The following SYNE1 variants were observed in gnomAD, a reference collection of about 807,000 sequenced individuals.
SYNE1 encodes the protein spectrin repeat containing nuclear envelope protein 1.
SYNE1 carries 616 observed loss-of-function variants against 1,111.0 expected under a neutral mutation model. That is an observed-to-expected ratio of 0.55 (90% CI 0.52 to 0.59). SYNE1 has a LOEUF of 0.59. Among genes scored for constraint, SYNE1 ranks in the 20% least tolerant of loss-of-function variants. SYNE1 has a pLI of 0.00. For synonymous variants in SYNE1, 3,855 were observed against 3,825.8 expected (o/e 1.01, Z -0.28); for missense variants, 10,006 against 10,417.0 (o/e 0.96, Z 1.72).
Position 152,404,201 on chromosome 6 carries a change from CA to C in SYNE1, c.6825+11del. The C allele has an allele frequency of 1.2e-6, 2 of 1,605,090 alleles. No individual in the cohort carries two copies. The highest frequency in any genetic ancestry group is 1.7e-6 in the Non-Finnish European group (2 of 1,173,086). On this transcript the variant is annotated intron_variant, in intron 46 of 145. Transcript: ENST00000367255. ...ATGGATGGAAGTCTAGTAGTTATTACAAAATGCTTACCTGAAGGTCTGGCGG... is the reference window on the plus strand; with the variant it reads ...ATGGATGGAAGTCTAGTAGTTATTACAAATGCTTACCTGAAGGTCTGGCGG...
intron 6 of SYNE1, among the ~76,000 whole-genome samples, chr6:152,514,852 T>C (rs565106013): frequency 1.3e-5 from 2 of 152,230 alleles, no homozygotes; most frequent in East Asian, 1.9e-4. Flanking sequence ...TAAATTTCTG[T>C]AGTTTAAGCC....
At chr6:152,179,834 A>C (rs2067486221) in intron 129 of SYNE1, among the ~76,000 whole-genome samples, 2 of 151,272 alleles carry the variant, frequency 1.3e-5, no homozygotes, top group Non-Finnish European at 2.9e-5. Context: ...ACAGGCGCGC[A>C]CCACCACGCC....
chr6:152,201,749 G>T, intron 127 of SYNE1, 75 bp downstream of exon 127: 1 of 1,607,458 alleles, frequency 6.2e-7, no homozygotes, highest in South Asian at 1.1e-5. Context: ...CTAAGAGTTT[G>T]ACTGGATTAT....
At chr6:152,358,224 A>G in intron 66 of SYNE1, 149 bp downstream of exon 66, 1 of 1,091,154 alleles carries the variant, frequency 9.2e-7, no homozygotes, top group South Asian at 1.3e-5. Context: ...AGGTCTCAGA[A>G]TGTTCTTGAT....
At chr6:152,222,314 G>A (rs897444173) in intron 117 of SYNE1, among the ~76,000 whole-genome samples, 1 of 152,148 alleles carries the variant, frequency 6.6e-6, no homozygotes, top group South Asian at 2.1e-4. Flanking sequence ...CCAAGCTCTT[G>A]TTTCTAACAA....
At chr6:152,354,514 T>C in intron 67 of SYNE1, 145 bp downstream of exon 67, 2 of 860,386 alleles carry the variant, frequency 2.3e-6, no homozygotes, top group Admixed American at 2.1e-5. Context: ...GAATGCTCCA[T>C]TGTGATTTAT....
At position 152,362,191 on chromosome 6, in the gene SYNE1, T is replaced by C; in HGVS notation, c.10278A>G (p.Thr3426=). The C allele has an allele frequency of 6.2e-7, 1 of 1,614,244 alleles. No homozygotes were observed. Residue 3426 remains threonine (T), a synonymous_variant, in exon 64 of 146, where the codon ACA becomes ACG. Coordinates refer to ENST00000367255, the MANE Select transcript of SYNE1 (RefSeq NM_182961.4). Reference sequence around the variant, plus strand: ...TCACCTTGGCTTTTCCGAGCATCGTTGTTTTATCCCGCAGCTCCGCATGCT... The same window carrying C: ...TCACCTTGGCTTTTCCGAGCATCGTCGTTTTATCCCGCAGCTCCGCATGCT... ...ERQHAELRDK[T]TMLGKAKLLN... is the part of the protein sequence containing the mutation.
At chr6:152,242,156 T>C in intron 107 of SYNE1, 84 bp downstream of exon 107, 1 of 1,308,710 alleles carries the variant, frequency 7.6e-7, no homozygotes, top group Non-Finnish European at 1.1e-6. Flanking sequence ...ACTGAGAATA[T>C]TAGGTTTTAC....
At chr6:152,142,567 CCTG>C (rs1168977297) in intron 138 of SYNE1, among the ~76,000 whole-genome samples, 1 of 152,168 alleles carries the variant, frequency 6.6e-6, no homozygotes, top group African/African-American at 2.4e-5. Context: ...TCAAGATACT[CCTG>C]CTGTGCTTAC....
chr6:152,304,936 C>T (rs945124985), intron 91 of SYNE1, among the ~76,000 whole-genome samples: 6 of 152,214 alleles, frequency 3.9e-5, no homozygotes, highest in Admixed American at 6.5e-5. Flanking sequence ...TAGTACTCTA[C>T]GACTTGCTTC....
chr6:152,363,497 CTAAATAAATAAATAAA>C (rs72461138), intron 63 of SYNE1, among the ~76,000 whole-genome samples: 74,242 of 144,030 alleles, frequency 0.52, 19,128 homozygotes, highest in East Asian at 0.59. Flanking sequence ...CCGTCTCAAA[CTAAATAAATAAATAAA>C]TAAATAAATA....
intron 115 of SYNE1, among the ~76,000 whole-genome samples, chr6:152,228,643 A>T (rs1185276454): frequency 2.0e-5 from 3 of 152,228 alleles, no homozygotes; most frequent in Non-Finnish European, 4.4e-5. Flanking sequence ...GTTTATCACA[A>T]CCATGCAACC....
intron 135 of SYNE1, among the ~76,000 whole-genome samples, chr6:152,150,939 G>A (rs550399105): frequency 1.3e-5 from 2 of 152,002 alleles, no homozygotes; most frequent in African/African-American, 2.4e-5. Flanking sequence ...AGGCCAGGAA[G>A]GGTGGCTCAC....
intron 18 of SYNE1, among the ~76,000 whole-genome samples, chr6:152,464,196 A>G (rs1283543841): frequency 6.6e-6 from 1 of 152,232 alleles, no homozygotes; most frequent in African/African-American, 2.4e-5. Context: ...CCTCTTGGCA[A>G]TGAAACAGTT....
chr6:152,277,925 C>A, intron 98 of SYNE1, 164 bp downstream of exon 98: 1 of 821,432 alleles, frequency 1.2e-6, no homozygotes, highest in South Asian at 1.4e-5. Context: ...TTGCCAAAGT[C>A]CAAGAGTGTA....
intron 129 of SYNE1, among the ~76,000 whole-genome samples, chr6:152,177,348 C>A (rs1325792771): frequency 6.6e-6 from 1 of 152,156 alleles, no homozygotes; most frequent in Non-Finnish European, 1.5e-5. Context: ...ACTGCTATCC[C>A]CAATGACCCT....
At chr6:152,202,789 G>T (rs2075788320) in intron 126 of SYNE1, among the ~76,000 whole-genome samples, 1 of 151,972 alleles carries the variant, frequency 6.6e-6, no homozygotes, top group Admixed American at 6.6e-5. Flanking sequence ...AAAAAAAGAG[G>T]ATATGGCATG....
Position 152,354,677 on chromosome 6 carries a change from T to C in SYNE1, c.10908A>G (p.Ile3636Met), listed in dbSNP as rs1466406004. The C allele has an allele frequency of 2.5e-6, 4 of 1,614,242 alleles. No individual in the cohort carries two copies. The highest frequency in any genetic ancestry group is 1.7e-6 in the Non-Finnish European group (2 of 1,180,034). Residue 3636 changes from isoleucine (I) to methionine (M), a missense_variant, in exon 67 of 146, where the codon ATA becomes ATG. Physicochemically the swap from Ile to Met is conservative, Grantham distance 10. Coordinates refer to ENST00000367255, the MANE Select transcript of SYNE1 (RefSeq NM_182961.4). ...GTTGTACCTTCATCTGATGTAATTG[T>C]ATCTCCTTGGTTGCCCTGTTAGACT... is the stretch of plus-strand genomic sequence containing the variant. ...RRQSNRATKE[I>M]QLHQMKKWHE... is the part of the protein sequence containing the mutation.
In SYNE1 at chr6:152,364,906, C is replaced by A; in HGVS notation, c.10086G>T (p.Gln3362His). 6.2e-7 allele frequency: 1 copy of A among 1,614,236 alleles called. No individual in the cohort carries two copies. The highest frequency in any genetic ancestry group is 1.1e-5 in the South Asian group (1 of 91,084). The change falls in exon 63 of 146, where the codon CAG becomes CAT. Residue 3362 changes from glutamine to histidine, a missense_variant. Physicochemically the swap from Gln to His is conservative, Grantham distance 24. Around this residue, in one of 7 missense-constraint regions of SYNE1, gnomAD observed 4,955 missense variants for 5,017.2 expected, o/e 0.99. Coordinates refer to ENST00000367255, the MANE Select transcript of SYNE1 (RefSeq NM_182961.4). ...SPEGIPTIQQQLQSVKDMWAS... is the reference protein window; with the variant it reads ...SPEGIPTIQQHLQSVKDMWAS... ...CCCACATATCCTTCACACTCTGCAG[C>A]TGCTGCTGAATAGTGGGAATGCCTT...
Sources: allele counts gnomAD v4.1 joint callset (sites outside exome capture counted in the v4.1 genomes callset), GRCh38; gene constraint gnomAD v4.1.1; regional missense constraint gnomAD v4.1.1; transcripts MANE v1.5; gene names NCBI Gene and HGNC (gene_info 2026-07-23, HGNC 2026-07-21).